CCZ1: variants seen among roughly 807,000 people sequenced by gnomAD.
CCZ1 encodes the protein vacuolar fusion protein CCZ1 homolog.
A neutral mutation model predicts 57.8 loss-of-function variants in CCZ1; 19 were observed. The observed-to-expected ratio is 0.33, with a 90% CI of 0.23 to 0.48. The LOEUF (loss-of-function observed/expected upper bound fraction) is 0.48. Among genes scored for constraint, CCZ1 ranks in the 20% least tolerant of loss-of-function variants. The pLI is 0.99. For missense variants in CCZ1, 200 were observed against 492.0 expected (o/e 0.41, Z 5.61); for synonymous variants, 81 against 167.0 (o/e 0.49, Z 3.97).
chr7:5,926,272 A>AAAAC lies in CCZ1; in HGVS notation c.*587_*590dup. ...GATGCAGTGGGCCAAGGGGTATGTT[A>AAAAC]AAACACTGTGACGAGTTCAGTGCTA... On this transcript the variant is annotated 3_prime_UTR_variant, in exon 15 of 15. Coordinates refer to ENST00000325974, the MANE Select transcript of CCZ1 (RefSeq NM_015622.6). 1.4e-6 allele frequency: 1 copy of AAAAC among 715,918 alleles called. No homozygotes were observed. Among genetic ancestry groups the AAAAC allele is most frequent in the East Asian group, 2.7e-5 (1 of 36,808 alleles). 44.3% of individuals were successfully genotyped at this position (715,918 alleles called of 1,614,324 possible).
At chr7:5,922,757 T>C (rs1443269332) in intron 12 of CCZ1, among the ~76,000 whole-genome samples, 22 of 149,468 alleles carry the variant, frequency 1.5e-4, no homozygotes, top group African/African-American at 5.3e-4. Context: ...AAAGCTTCGT[T>C]ACATAGTGTC....
intron 12 of CCZ1, among the ~76,000 whole-genome samples, chr7:5,920,957 T>TTTC (rs1779230701): frequency 9.3e-6 from 1 of 106,970 alleles, no homozygotes; most frequent in Non-Finnish European, 1.9e-5. Context: ...TTGGGTTTTT[T>TTTC]TTTTTTTTTT....
intron 10 of CCZ1, among the ~76,000 whole-genome samples, chr7:5,916,696 T>TG (rs1779156585): frequency 6.8e-6 from 1 of 147,610 alleles, no homozygotes; most frequent in Admixed American, 6.6e-5. Flanking sequence ...GAGATTTGAT[T>TG]GGGGGTTGGC....
In CCZ1 at chr7:5,920,470, C is replaced by CTT. The variant is rs200899553; in HGVS notation, c.1106+520_1106+521dup. Reference sequence around the variant, plus strand: ...ATGTCCTTGAATTCTTTCTCCCTGGCTTTTTTTTTTTTTTTTTGAGACAAA... The same window carrying CTT: ...ATGTCCTTGAATTCTTTCTCCCTGGCTTTTTTTTTTTTTTTTTTTGAGACAAA... On this transcript the variant is annotated intron_variant, in intron 12 of 14. Transcript: ENST00000325974. Among the ~76,000 whole-genome samples the CTT allele has an allele frequency of 1.4e-3, 136 of 95,972 alleles. 12 individuals are homozygous for CTT. Among genetic ancestry groups the CTT allele is most frequent in the East Asian group, 9.1e-3 (34 of 3,744 alleles). The allele number at this position is 95,972 out of a possible 152,430, so 63.0% of individuals were successfully genotyped here. A position where few individuals can be genotyped will look rare whatever the true frequency, so the allele number is the denominator to read the frequency against.
At position 5,903,921 on chromosome 7, in the gene CCZ1, G is replaced by A. The variant is rs546295328; in HGVS notation, c.523-1173G>A. Among the ~76,000 whole-genome samples the A allele has an allele frequency of 1.8e-4, 25 of 141,774 alleles. 1 individual carries two copies. Among genetic ancestry groups the A allele is most frequent in the South Asian group, 5.0e-4 (2 of 4,038 alleles). 93.0% of individuals were successfully genotyped at this position (141,774 alleles called of 152,430 possible). On this transcript the variant is annotated intron_variant, in intron 6 of 14. Transcript: ENST00000325974. ...GAGGCAGGAGAATCGCTTGAACCCC[G>A]GAGGCGAGGTTGCAGTGAGCCGAGA...
At chr7:5,922,694 G>A (rs1415576155) in intron 12 of CCZ1, among the ~76,000 whole-genome samples, 2 of 151,314 alleles carry the variant, frequency 1.3e-5, no homozygotes, top group Non-Finnish European at 2.9e-5. Context: ...TCAGACTGCA[G>A]TGGAAAAGGC....
At chr7:5,905,775 T>TTTTTTTTTTTTTTTTTTTTTTG (rs1451891497) in intron 7 of CCZ1, among the ~76,000 whole-genome samples, 1 of 74,600 alleles carries the variant, frequency 1.3e-5, no homozygotes, top group East Asian at 6.1e-4. Context: ...AGAGAGACTC[T>TTTTTTTTTTTTTTTTTTTTTTG]GTCTCCAAAA....
In CCZ1 at chr7:5,900,151, T is replaced by C. The variant is rs1781649458; in HGVS notation, c.121-133T>C. The C allele has an allele frequency of 2.5e-6, 3 of 1,224,474 alleles. No homozygotes were observed. The Admixed American group carries it at 9.1e-5, about 37-fold the overall frequency. The allele number at this position is 1,224,474 out of a possible 1,614,324, so 75.9% of individuals were successfully genotyped here. A position where few individuals can be genotyped will look rare whatever the true frequency, so the allele number is the denominator to read the frequency against. The stretch of plus-strand genomic sequence containing the variant: ...AATACTAGGATTACAATTCCTGTTT[T>C]TCTAAAACCGGTTTTTGTTTTGTTT... On this transcript the variant is annotated intron_variant, in intron 1 of 14. Transcript: ENST00000325974.
chr7:5,899,886 A>T (rs1256510386), intron 1 of CCZ1, among the ~76,000 whole-genome samples: 1 of 149,044 alleles, frequency 6.7e-6, no homozygotes, highest in Non-Finnish European at 1.5e-5. Flanking sequence ...TTGGTGTATT[A>T]CAAATTAGCA....
In CCZ1 at chr7:5,924,234, C is replaced by T. The variant is rs1411785705; in HGVS notation, c.1393+272C>T. Among the ~76,000 whole-genome samples the T allele has an allele frequency of 1.4e-4, 10 of 73,728 alleles. 3 individuals are homozygous for T. The highest frequency in any genetic ancestry group is 4.8e-4 in the African/African-American group (10 of 20,662). The allele number at this position is 73,728 out of a possible 152,430, so 48.4% of individuals were successfully genotyped here. ...TGACTTTATATTAAGAAATGTCCCC[C>T]TTTTTTTGGAGACAGGTTCTCACTT... On this transcript the variant is annotated intron_variant, in intron 14 of 14. Coordinates refer to ENST00000325974, the MANE Select transcript of CCZ1 (RefSeq NM_015622.6).
rs1781685347 is a variant in CCZ1, at chr7:5,901,520, T to TC, written c.391-136dup. The TC allele has an allele frequency of 3.0e-6, 4 of 1,348,204 alleles. 1 individual carries two copies. Among genetic ancestry groups the TC allele is most frequent in the Non-Finnish European group, 3.8e-6 (4 of 1,039,698 alleles). 83.5% of individuals were successfully genotyped at this position (1,348,204 alleles called of 1,614,324 possible). A position where few individuals can be genotyped will look rare whatever the true frequency, so the allele number is the denominator to read the frequency against. On this transcript the variant is annotated intron_variant, in intron 4 of 14. Coordinates refer to ENST00000325974, the MANE Select transcript of CCZ1 (RefSeq NM_015622.6). ...AAAAAAGAACGCAAACACTTTTTTTTCAGCACGCAACTATTGTGGGACAAA... is the reference window on the plus strand; with the variant it reads ...AAAAAAGAACGCAAACACTTTTTTTTCCAGCACGCAACTATTGTGGGACAAA...
intron 6 of CCZ1, 71 bp downstream of exon 6, chr7:5,902,815 A>G: frequency 6.5e-7 from 1 of 1,538,104 alleles, no homozygotes; most frequent in Non-Finnish European, 8.7e-7. Context: ...ATAGACAGAC[A>G]AGTTTGTTTC....
chr7:5,901,957 G>C (rs1293975663), intron 5 of CCZ1: 2 of 480,026 alleles, frequency 4.2e-6, no homozygotes, highest in East Asian at 5.0e-5. Flanking sequence ...GTGTGTCTAT[G>C]TGCTCAAGGA....
At chr7:5,899,123 A>G (rs1318948269) in intron 1 of CCZ1, among the ~76,000 whole-genome samples, 1 of 82,718 alleles carries the variant, frequency 1.2e-5, no homozygotes, top group African/African-American at 4.8e-5. Flanking sequence ...CGTCGGGTCT[A>G]TATCACTCCA....
chr7:5,904,690 G>A (rs1223814516), intron 6 of CCZ1, among the ~76,000 whole-genome samples: 2 of 147,224 alleles, frequency 1.4e-5, no homozygotes, highest in African/African-American at 5.1e-5. Flanking sequence ...AAATAGCTGG[G>A]CATGGTGGCA....
chr7:5,899,373 GTGTGTGTGTGGT>G (rs367630441), intron 1 of CCZ1, among the ~76,000 whole-genome samples: 1,295 of 120,840 alleles, frequency 0.011, 17 homozygotes, highest in Middle Eastern at 0.021. Context: ...GTGTGTGTGT[GTGTGTGTGTGGT>G]TTTTCTGAGG....
chr7:5,900,224 T>C, intron 1 of CCZ1, 60 bp from the exon 2 acceptor site: 1 of 1,398,758 alleles, frequency 7.1e-7, no homozygotes, highest in Non-Finnish European at 9.5e-7. Flanking sequence ...ACTTAGCGTT[T>C]TCAATAGCTA....
In CCZ1 at chr7:5,914,904, G is replaced by T. The variant is rs181638954; in HGVS notation, c.954+1950G>T. On this transcript the variant is annotated intron_variant, in intron 10 of 14. Transcript: ENST00000325974. ...AAGAAAAAAAAAACACGTTCAACAT[G>T]AAAAGCCTCAAAAAGTTTACCGTCA... is the stretch of plus-strand genomic sequence containing the variant. 5.2e-3 allele frequency among the ~76,000 whole-genome samples: 716 copies of T among 136,450 alleles called. 8 individuals are homozygous for T. Among genetic ancestry groups the T allele is most frequent in the Non-Finnish European group, 7.8e-3 (505 of 64,452 alleles). 89.5% of individuals were successfully genotyped at this position (136,450 alleles called of 152,430 possible).
chr7:5,899,554 T>C (rs1781635561), intron 1 of CCZ1, among the ~76,000 whole-genome samples: 1 of 126,400 alleles, frequency 7.9e-6, no homozygotes, highest in African/African-American at 3.0e-5. Flanking sequence ...GGCCAGGGGT[T>C]CCAGACCAGC....
Sources: gnomAD v4.1 joint callset for allele counts (sites outside exome capture counted in the v4.1 genomes callset) on GRCh38, gnomAD v4.1.1 for gene constraint, MANE v1.5 for transcripts, NCBI Gene and HGNC (gene_info 2026-07-23, HGNC 2026-07-21) for gene names.